KRT73: variants seen among roughly 807,000 people sequenced by gnomAD.
The protein encoded by KRT73 is keratin 73.
KRT73 carries 44 observed loss-of-function variants against 47.2 expected under a neutral mutation model. The ratio of observed to expected loss-of-function variants is 0.93; its 90% CI spans 0.73 to 1.20. The LOEUF (loss-of-function observed/expected upper bound fraction) is 1.20. KRT73 is among the 50% of genes most tolerant of loss of function. The pLI, the probability that KRT73 is intolerant of heterozygous loss-of-function variation, is 0.00. For synonymous variants in KRT73, 285 were observed against 291.3 expected (o/e 0.98, Z 0.22); for missense variants, 713 against 704.5 (o/e 1.01, Z -0.14).
At position 52,616,338 on chromosome 12, in the gene KRT73, AC is replaced by A. The variant is rs748870352; in HGVS notation, c.489del (p.Lys163AsnfsTer10). 1.9e-6 allele frequency: 3 copies of A among 1,614,176 alleles called. No homozygotes were observed. Among genetic ancestry groups the A allele is most frequent in the Non-Finnish European group, 2.5e-6 (3 of 1,180,034 alleles). Reference sequence around the variant, plus strand: ...AGGTCCAGCTGCTGTAGCAGCTCCCACTTGGTCTCCAGCACCTGGTTCTGCT... The same window carrying A: ...AGGTCCAGCTGCTGTAGCAGCTCCCATTGGTCTCCAGCACCTGGTTCTGCT... ...LEQQNQVLET[K>X]WELLQQLDLN... is the part of the protein sequence containing the mutation. On this transcript the variant is annotated frameshift_variant, in exon 2 of 9. Transcript: ENST00000305748. LOFTEE classifies it high-confidence loss of function.
In KRT73 at chr12:52,609,193, CT is replaced by C; in HGVS notation, c.1366+53del. The C allele has an allele frequency of 3.9e-6, 6 of 1,552,834 alleles. No individual in the cohort carries two copies. In the South Asian group the frequency reaches 6.7e-5, roughly 17 times the overall value. ...GGGCTGGGCGGTGGACACCCACCCA[CT>C]TTGTGTTTGTTGATGGACTAAAAGT... is the stretch of plus-strand genomic sequence containing the variant. On this transcript the variant is annotated intron_variant, in intron 8 of 8. Transcript: ENST00000305748.
chr12:52,608,267 C>T lies in KRT73; in HGVS notation c.1552G>A (p.Ala518Thr). 1.2e-6 allele frequency: 2 copies of T among 1,614,030 alleles called. No individual in the cohort carries two copies. Among genetic ancestry groups the T allele is most frequent in the South Asian group, 1.1e-5 (1 of 91,016 alleles). ...CCCTGGGAGTCCCTGAATTCACTTG[C>T]ACTCCCCAGCCTGGTCCTGGCTTCC... is the stretch of plus-strand genomic sequence containing the variant. ...RGEARTRLGS[A>T]SEFRDSQGKT... The change falls in exon 9 of 9, where the codon GCA (alanine) becomes ACA (threonine). Residue 518 changes from alanine (A) to threonine (T), a missense_variant. Physicochemically the swap from Ala to Thr is moderately conservative, Grantham distance 58 (BLOSUM62 0). Transcript: ENST00000305748.
At chr12:52,615,445 A>C in intron 2 of KRT73, 106 bp from the exon 3 acceptor site, 1 of 896,638 alleles carries the variant, frequency 1.1e-6, no homozygotes. Flanking sequence ...GCCTTTTAAG[A>C]GGTATTATTC....
intron 8 of KRT73, 115 bp downstream of exon 8, chr12:52,609,132 A>G (rs1241359963): frequency 1.7e-5 from 15 of 881,282 alleles, no homozygotes; most frequent in East Asian, 7.2e-5. Flanking sequence ...GTATGTGACC[A>G]AGTGGTCAAC....
intron 8 of KRT73, 126 bp from the exon 9 acceptor site, chr12:52,608,578 C>A: frequency 1.2e-6 from 1 of 837,088 alleles, no homozygotes; most frequent in Non-Finnish European, 1.8e-6. Flanking sequence ...TTCCCATCAA[C>A]CATGAACTTG....
chr12:52,615,258 G>T, intron 3 of KRT73, 21 bp downstream of exon 3: 1 of 1,608,486 alleles, frequency 6.2e-7, no homozygotes, highest in South Asian at 1.1e-5. Context: ...GGACTGAAGG[G>T]AACCCATGCA....
At chr12:52,621,056 C>G (rs1383792910), upstream of KRT73, among the ~76,000 whole-genome samples, 1 of 152,140 alleles carries the variant, frequency 6.6e-6, no homozygotes, top group Non-Finnish European at 1.5e-5. Flanking sequence ...AAATCATTCT[C>G]CCTAAGAACA....
Position 52,608,149 on chromosome 12 carries a change from T to C in KRT73, c.*47A>G. The C allele has an allele frequency of 6.4e-7, 1 of 1,563,138 alleles. No homozygotes were observed. The highest frequency in any genetic ancestry group is 1.2e-5 in the South Asian group (1 of 81,620). ...AATTTCCTAGAAGAGTCCGGAGCAG[T>C]CTGCCAGGGCAAGGCAGACTACTGG... On this transcript the variant is annotated 3_prime_UTR_variant, in exon 9 of 9. Transcript: ENST00000305748.
At position 52,609,318 on chromosome 12, in the gene KRT73, G is replaced by A. The variant is rs575068285; in HGVS notation, c.1332-37C>T. 1.6e-5 allele frequency: 25 copies of A among 1,588,238 alleles called. No individual in the cohort carries two copies. In the Admixed American group the frequency reaches 2.0e-4, roughly 13 times the overall value. On this transcript the variant is annotated intron_variant, in intron 7 of 8. Coordinates refer to ENST00000305748, the MANE Select transcript of KRT73 (RefSeq NM_175068.3). ...AAAAGCACAGGAGAGTCTGAATCACGTGGACTCCCATAGTGGCCCTCACTG... is the reference window on the plus strand; with the variant it reads ...AAAAGCACAGGAGAGTCTGAATCACATGGACTCCCATAGTGGCCCTCACTG...
chr12:52,630,478 G>T, the KRT73 span, among the ~76,000 whole-genome samples: 2 of 152,160 alleles, frequency 1.3e-5, no homozygotes, highest in Non-Finnish European at 2.9e-5. Flanking sequence ...GTCTTGCAGG[G>T]CAGCACTGTG....
intron 7 of KRT73, chr12:52,610,241 A>G (rs1413610771): frequency 3.7e-6 from 1 of 267,078 alleles, no homozygotes; most frequent in African/African-American, 2.2e-5. Flanking sequence ...ACATCCAGCT[A>G]ACTTTTGTAT....
At chr12:52,614,771 G>A in intron 3 of KRT73, 97 bp from the exon 4 acceptor site, 1 of 928,254 alleles carries the variant, frequency 1.1e-6, no homozygotes, top group South Asian at 1.7e-5. Flanking sequence ...CTAGCTAGCT[G>A]CCCAGGACTT....
Position 52,610,620 on chromosome 12 carries a change from C to T in KRT73, c.1326G>A (p.Glu442=). 1 of 1,611,540 alleles carries T rather than the reference C, an allele frequency of 6.2e-7. No homozygotes were observed. Among genetic ancestry groups the T allele is most frequent in the Non-Finnish European group, 8.5e-7 (1 of 1,179,138 alleles). The change falls in exon 7 of 9, where the codon GAG becomes GAA. Residue 442 remains glutamate, a synonymous_variant. Coordinates refer to ENST00000305748, the MANE Select transcript of KRT73 (RefSeq NM_175068.3). ...ATYRKLLEGE[E]CRMSGEYTNS... ...AGTCCCTCGGTCCCACCCACCTGCA[C>T]TCCTCGCCCTCCAGCAGCTTGCGGT...
chr12:52,623,422 T>A (rs1365070187), upstream of KRT73, among the ~76,000 whole-genome samples: 2 of 152,064 alleles, frequency 1.3e-5, no homozygotes, highest in African/African-American at 2.4e-5. Flanking sequence ...CATTCTCAGA[T>A]GAAGAAAAAC....
intron 7 of KRT73, chr12:52,610,345 G>C: frequency 2.3e-6 from 1 of 428,992 alleles, no homozygotes; most frequent in Non-Finnish European, 4.3e-6. Context: ...CCAAAGTGCT[G>C]GGATTACAGG....
the KRT73 span, among the ~76,000 whole-genome samples, chr12:52,623,611 T>A: frequency 2.6e-5 from 4 of 152,180 alleles, no homozygotes; most frequent in East Asian, 7.7e-4. Context: ...CTATAAATTA[T>A]GTTCAATGGT....
chr12:52,613,796 G>A lies in KRT73; in HGVS notation c.876C>T (p.Asp292=). The A allele has an allele frequency of 6.2e-7, 1 of 1,614,134 alleles. No individual in the cohort carries two copies. Among genetic ancestry groups the A allele is most frequent in the Non-Finnish European group, 8.5e-7 (1 of 1,179,988 alleles). Reference sequence around the variant, plus strand: ...TGTCCAGGTCCAGGTTCCGGTTGTTGTCCATGGACAGGATGATGGACGTGT... The same window carrying A: ...TGTCCAGGTCCAGGTTCCGGTTGTTATCCATGGACAGGATGATGGACGTGT... ...ISDTSIILSM[D]NNRNLDLDSI... Residue 292 remains aspartate (D), a synonymous_variant, in exon 5 of 9, where the codon GAC becomes GAT. Coordinates refer to ENST00000305748, the MANE Select transcript of KRT73 (RefSeq NM_175068.3).
chr12:52,610,533 CCT>C, intron 7 of KRT73, 80 bp downstream of exon 7: 2 of 183,894 alleles, frequency 1.1e-5, no homozygotes, highest in Non-Finnish European at 2.3e-5. Context: ...CTCGCCGCCC[CCT>C]CCCCCCCGCC....
At chr12:52,630,695 T>C in the KRT73 span, among the ~76,000 whole-genome samples, 1 of 152,214 alleles carries the variant, frequency 6.6e-6, no homozygotes, top group African/African-American at 2.4e-5. Flanking sequence ...ATCTGTTTCC[T>C]GAGGTTGGTG....
Sources: gnomAD v4.1 joint callset for allele counts (sites outside exome capture counted in the v4.1 genomes callset) on GRCh38, gnomAD v4.1.1 for gene constraint, MANE v1.5 for transcripts, NCBI Gene and HGNC (gene_info 2026-07-23, HGNC 2026-07-21) for gene names.